The following ROBO2 variants were observed in gnomAD, a reference collection of about 807,000 sequenced individuals.
ROBO2 encodes the protein roundabout guidance receptor 2, also known as roundabout homolog 2.
In ROBO2, 53 loss-of-function variants were observed where a neutral mutation model predicts 160.8. The observed-to-expected ratio is 0.33, with a 90% CI of 0.26 to 0.41. The LOEUF is 0.41. ROBO2 is among the 10% of genes least tolerant of loss of function. The pLI, the probability that ROBO2 is intolerant of heterozygous loss-of-function variation, is 1.00. For missense variants in ROBO2, 1,577 were observed against 1,722.4 expected (o/e 0.92, Z 1.49); for synonymous variants, 664 against 611.7 (o/e 1.09, Z -1.26).
chr3:77,437,567 A>G (rs1034369288), intron 2 of ROBO2, among the ~76,000 whole-genome samples: 8 of 152,066 alleles, frequency 5.3e-5, no homozygotes, highest in African/African-American at 1.9e-4. Context: ...TTTTTCTTAT[A>G]GTTATATTAA....
intron 2 of ROBO2, among the ~76,000 whole-genome samples, chr3:76,532,990 G>A (rs2082308748): frequency 1.3e-5 from 2 of 152,092 alleles, no homozygotes; most frequent in Admixed American, 6.6e-5. Context: ...CTATTTATCT[G>A]GATGATATCC....
At chr3:77,204,330 C>A (rs1394347068) in intron 2 of ROBO2, among the ~76,000 whole-genome samples, 3 of 151,986 alleles carry the variant, frequency 2.0e-5, no homozygotes, top group Non-Finnish European at 2.9e-5. Context: ...AAATATGCTA[C>A]TTTTATTTTG....
intron 2 of ROBO2, among the ~76,000 whole-genome samples, chr3:76,339,438 T>A (rs1237017990): frequency 6.6e-6 from 1 of 152,166 alleles, no homozygotes; most frequent in Non-Finnish European, 1.5e-5. Context: ...GGAAACCATA[T>A]ACTGTTTCTA....
At chr3:76,733,153 G>GA (rs926429309) in intron 2 of ROBO2, among the ~76,000 whole-genome samples, 4 of 152,028 alleles carry the variant, frequency 2.6e-5, no homozygotes, top group Non-Finnish European at 5.9e-5. Context: ...ATTTGAACAT[G>GA]AAAAAAATGT....
chr3:76,674,020 G>T (rs1395599402), intron 2 of ROBO2, among the ~76,000 whole-genome samples: 1 of 151,984 alleles, frequency 6.6e-6, no homozygotes, highest in East Asian at 1.9e-4. Flanking sequence ...TTCAGAGTTG[G>T]AACTCCCCCT....
At chr3:77,173,776 T>C (rs116806124) in intron 2 of ROBO2, among the ~76,000 whole-genome samples, 1,982 of 152,232 alleles carry the variant, frequency 0.013, 64 homozygotes, top group African/African-American at 0.045. Context: ...GAAAATGTTA[T>C]ACCTAAAGGG....
At chr3:76,557,281 T>C (rs897374039) in intron 2 of ROBO2, among the ~76,000 whole-genome samples, 1 of 152,086 alleles carries the variant, frequency 6.6e-6, no homozygotes, top group African/African-American at 2.4e-5. Flanking sequence ...TATTTTATGG[T>C]TTATAGTGGA....
chr3:77,404,539 T>C (rs1348254472), intron 2 of ROBO2, among the ~76,000 whole-genome samples: 1 of 152,156 alleles, frequency 6.6e-6, no homozygotes, highest in Non-Finnish European at 1.5e-5. Context: ...TATGAAAAGA[T>C]GTATTTTGCA....
chr3:76,229,983 C>T (rs1704523226), intron 2 of ROBO2, among the ~76,000 whole-genome samples: 2 of 152,140 alleles, frequency 1.3e-5, no homozygotes, highest in African/African-American at 4.8e-5. Flanking sequence ...CTAAACTAAC[C>T]TTATCATGGA....
At chr3:76,644,182 A>T (rs1455140438) in intron 2 of ROBO2, among the ~76,000 whole-genome samples, 1 of 152,192 alleles carries the variant, frequency 6.6e-6, no homozygotes, top group African/African-American at 2.4e-5. Context: ...TTGCTTACCA[A>T]GGCTGCAGTA....
chr3:77,577,623 C>G lies in ROBO2; in HGVS notation c.2328+9C>G. On this transcript the variant is annotated intron_variant, in intron 15 of 25. Coordinates refer to ENST00000461745, the Ensembl canonical transcript of ROBO2. Reference sequence around the variant, plus strand: ...TTATCCAAGAATACAAGGTAGGACCCGGGTGAAGAAGGACAGCTCTCATGT... The same window carrying G: ...TTATCCAAGAATACAAGGTAGGACCGGGGTGAAGAAGGACAGCTCTCATGT... The G allele has an allele frequency of 6.2e-7, 1 of 1,612,942 alleles. No homozygotes were observed.
chr3:77,251,819 TTCGCCG>T (rs896698995), intron 2 of ROBO2, among the ~76,000 whole-genome samples: 39 of 152,260 alleles, frequency 2.6e-4, no homozygotes, highest in African/African-American at 9.4e-4. Flanking sequence ...AAGATGTGCT[TTCGCCG>T]TCCACCCTGA....
intron 13 of ROBO2, among the ~76,000 whole-genome samples, chr3:77,573,543 GTTGGTAAA>G (rs1445633923): frequency 6.6e-6 from 1 of 152,060 alleles, no homozygotes. Context: ...AGAGTCAGAA[GTTGGTAAA>G]TTAGTAAAAG....
At chr3:76,203,314 C>T (rs1230935150) in intron 2 of ROBO2, among the ~76,000 whole-genome samples, 2 of 152,204 alleles carry the variant, frequency 1.3e-5, no homozygotes, top group African/African-American at 2.4e-5. Flanking sequence ...TTAATTTATT[C>T]TACTTTCTCA....
chr3:76,187,126 C>T (rs1219579357), intron 2 of ROBO2, among the ~76,000 whole-genome samples: 1 of 151,834 alleles, frequency 6.6e-6, no homozygotes, highest in Non-Finnish European at 1.5e-5. Flanking sequence ...CTGAAGTTTT[C>T]CACACCTATA....
chr3:76,259,388 T>C (rs1706599114), intron 2 of ROBO2, among the ~76,000 whole-genome samples: 2 of 152,200 alleles, frequency 1.3e-5, no homozygotes, highest in Admixed American at 1.3e-4. Context: ...GATACAAGAC[T>C]AAAGAAATAA....
At chr3:76,294,518 A>T (rs1708971315) in intron 2 of ROBO2, among the ~76,000 whole-genome samples, 1 of 152,056 alleles carries the variant, frequency 6.6e-6, no homozygotes, top group African/African-American at 2.4e-5. Flanking sequence ...GCTATTTTCC[A>T]TTGAGCTCAT....
chr3:77,585,452 G>C (rs896504732), intron 16 of ROBO2, among the ~76,000 whole-genome samples: 1 of 151,958 alleles, frequency 6.6e-6, no homozygotes, highest in Non-Finnish European at 1.5e-5. Context: ...GATGGGTAAT[G>C]AGTACCTTTT....
At chr3:77,381,541 A>C (rs1449531302) in intron 2 of ROBO2, among the ~76,000 whole-genome samples, 1 of 152,208 alleles carries the variant, frequency 6.6e-6, no homozygotes, top group Non-Finnish European at 1.5e-5. Context: ...AACTTTCAGC[A>C]TCCCTTCAAT....
Sources: allele counts gnomAD v4.1 joint callset (sites outside exome capture counted in the v4.1 genomes callset), GRCh38; gene constraint gnomAD v4.1.1; transcripts MANE v1.5; gene names NCBI Gene and HGNC (gene_info 2026-07-23, HGNC 2026-07-21).